CUL2: variants seen among roughly 807,000 people sequenced by gnomAD.
The protein encoded by CUL2 is cullin-2.
A neutral mutation model predicts 110.2 loss-of-function variants in CUL2; 22 were observed. The observed-to-expected ratio is 0.20, with a 90% CI of 0.14 to 0.28. CUL2 has a LOEUF of 0.28. Ranked by LOEUF, CUL2 falls within the 10% of genes least tolerant of loss-of-function variation. The pLI, the probability that CUL2 is intolerant of heterozygous loss-of-function variation, is 1.00. For synonymous variants in CUL2, 279 were observed against 293.2 expected (o/e 0.95, Z 0.49); for missense variants, 631 against 905.5 (o/e 0.70, Z 3.89).
In CUL2 at chr10:35,082,690, A is replaced by G. The variant is rs142558045; in HGVS notation, c.-23+7489T>C. 5.4e-3 allele frequency among the ~76,000 whole-genome samples: 830 copies of G among 152,324 alleles called. 5 individuals are homozygous for G. Among genetic ancestry groups the G allele is most frequent in the Non-Finnish European group, 7.7e-3 (525 of 68,032 alleles). ...TTTAAATGGATGCATTCTAATCAAA[A>G]TAATACTTGGTACTATGATGACAAA... On this transcript the variant is annotated intron_variant, in intron 1 of 20. Transcript: ENST00000374749.
At chr10:35,120,967 C>T (rs749780907) in intron 1 of CUL2, among the ~76,000 whole-genome samples, 2 of 151,210 alleles carry the variant, frequency 1.3e-5, no homozygotes, top group Non-Finnish European at 2.9e-5. Context: ...GGATATAATT[C>T]CCTTATGTTT....
At position 35,016,333 on chromosome 10, in the gene CUL2, C is replaced by A. The variant is rs1430014566; in HGVS notation, c.1746G>T (p.Met582Ile). 1.2e-6 allele frequency: 2 copies of A among 1,613,850 alleles called. No individual in the cohort carries two copies. The highest frequency in any genetic ancestry group is 2.7e-5 in the African/African-American group (2 of 75,032). ...PYVAMVTTYQ[M>I]AVLLAFNNSE... ...TGTTGTTAAAGGCAAGAAGAACTGC[C>A]ATTTGGTATGTTGTAACCATGGCTA... The change falls in exon 18 of 21, where the codon ATG becomes ATT. Residue 582 changes from methionine to isoleucine, a missense_variant. This residue lies in a region of CUL2 where 159 missense variants were observed against 202.7 expected (regional missense o/e 0.78). Coordinates refer to ENST00000374749, the MANE Select transcript of CUL2 (RefSeq NM_003591.4).
Position 35,090,219 on chromosome 10 carries a change from G to C in CUL2, c.-63C>G, listed in dbSNP as rs923095558. The C allele has an allele frequency of 6.5e-6, 1 of 154,058 alleles. No homozygotes were observed. Among genetic ancestry groups the C allele is most frequent in the Non-Finnish European group, 1.5e-5 (1 of 68,748 alleles). The allele number at this position is 154,058 out of a possible 1,614,324, so 9.5% of individuals were successfully genotyped here. ...GGCAAGGGGCAGGGGACAAGGGGAG[G>C]GGGAGGCAGCCCGAAGGAGTGAAAG... On this transcript the variant is annotated 5_prime_UTR_variant, in exon 1 of 21. Transcript: ENST00000374749.
At chr10:35,027,843 C>T (rs1189141027) in intron 16 of CUL2, among the ~76,000 whole-genome samples, 1 of 152,156 alleles carries the variant, frequency 6.6e-6, no homozygotes, top group Non-Finnish European at 1.5e-5. Context: ...CAGAAACTCA[C>T]TTCCTATTTG....
At chr10:35,075,648 A>G (rs1405101268) in intron 1 of CUL2, among the ~76,000 whole-genome samples, 2 of 138,140 alleles carry the variant, frequency 1.4e-5, no homozygotes, top group Non-Finnish European at 3.2e-5. Context: ...ACACACACAC[A>G]CACACACACA....
intron 6 of CUL2, among the ~76,000 whole-genome samples, chr10:35,045,647 G>A (rs555025567): frequency 3.3e-5 from 5 of 152,048 alleles, no homozygotes; most frequent in African/African-American, 9.6e-5. Context: ...CCCAGGAGGA[G>A]TCGAGGCTAC....
At chr10:35,066,392 C>T (rs1022225905) in intron 2 of CUL2, among the ~76,000 whole-genome samples, 2 of 152,038 alleles carry the variant, frequency 1.3e-5, no homozygotes, top group African/African-American at 2.4e-5. Context: ...CTTCACCCTC[C>T]GGGTTCAAGC....
At chr10:35,024,866 T>G (rs2085296528) in intron 17 of CUL2, among the ~76,000 whole-genome samples, 1 of 152,150 alleles carries the variant, frequency 6.6e-6, no homozygotes. Flanking sequence ...ATACATTTGC[T>G]AATGAAGTGG....
chr10:35,090,390 T>G (rs1402322001), upstream of CUL2: 2 of 143,530 alleles, frequency 1.4e-5, no homozygotes. Flanking sequence ...ACGCGGGGGG[T>G]GGGGAGCGAA....
rs572123671 is a variant in CUL2 at position 35,124,993 on chromosome 10, A to G, written c.-51+1612T>C. Among the ~76,000 whole-genome samples the G allele has an allele frequency of 5.3e-4, 81 of 152,366 alleles. 1 individual carries two copies. Among genetic ancestry groups the G allele is most frequent in the African/African-American group, 1.8e-3 (75 of 41,592 alleles). ...AGCCCCAAAAGCTAGACACTGGACT[A>G]ACGTAAACATGAGTAGGTTTTTAAG... On this transcript the variant is annotated intron_variant, in intron 1 of 5. Coordinates refer to the CUL2 transcript ENST00000685421.
intron 1 of CUL2, among the ~76,000 whole-genome samples, chr10:35,080,440 T>C (rs951218881): frequency 1.7e-4 from 20 of 120,432 alleles, no homozygotes; most frequent in Non-Finnish European, 1.5e-4. Context: ...TATTTTTATT[T>C]ATTTATTTAT....
At chr10:35,108,727 G>C (rs891795355) in intron 1 of CUL2, among the ~76,000 whole-genome samples, 2 of 152,084 alleles carry the variant, frequency 1.3e-5, no homozygotes, top group Non-Finnish European at 2.9e-5. Flanking sequence ...TATTGGCCTG[G>C]GCTACAGCCA....
intron 18 of CUL2, among the ~76,000 whole-genome samples, chr10:35,014,659 C>G (rs2084982505): frequency 1.3e-5 from 2 of 151,828 alleles, no homozygotes; most frequent in South Asian, 4.2e-4. Context: ...AAAGCAAAAC[C>G]CGGTCTCTAC....
intron 1 of CUL2, among the ~76,000 whole-genome samples, chr10:35,105,402 G>A (rs995525114): frequency 2.7e-5 from 4 of 150,890 alleles, no homozygotes; most frequent in African/African-American, 4.9e-5. Context: ...CTCCAGCCTG[G>A]GCGACAGGGA....
At chr10:35,109,588 C>T (rs1427009350) in intron 1 of CUL2, among the ~76,000 whole-genome samples, 5 of 152,228 alleles carry the variant, frequency 3.3e-5, no homozygotes, top group African/African-American at 9.6e-5. Context: ...TCTGAGGTGA[C>T]ATTTGCGTTT....
intron 6 of CUL2, among the ~76,000 whole-genome samples, chr10:35,047,736 G>C (rs1321306200): frequency 6.6e-6 from 1 of 151,510 alleles, no homozygotes; most frequent in East Asian, 1.9e-4. Context: ...GGCCAACATG[G>C]TGAAAACCGG....
At position 35,080,709 on chromosome 10, in the gene CUL2, C is replaced by T. The variant is rs531689745; in HGVS notation, c.-22-9370G>A. ...GAGCTCAAGCTTCCACCAGCCTTGG[C>T]CTCCCAAATTACTAGGATTACAGGC... On this transcript the variant is annotated intron_variant, in intron 1 of 20. Transcript: ENST00000374749. Among the ~76,000 whole-genome samples the T allele has an allele frequency of 3.9e-5, 6 of 152,194 alleles. No individual in the cohort carries two copies. The South Asian group carries it at 1.0e-3, about 26-fold the overall frequency.
intron 6 of CUL2, among the ~76,000 whole-genome samples, chr10:35,047,446 TAA>T (rs757406258): frequency 3.3e-4 from 44 of 134,304 alleles, no homozygotes; most frequent in Non-Finnish European, 2.4e-4. Context: ...CCGTCTCCAC[TAA>T]AAAAAAAAAA....
At chr10:35,082,761 TA>T (rs1283437499) in intron 1 of CUL2, among the ~76,000 whole-genome samples, 8 of 152,200 alleles carry the variant, frequency 5.3e-5, no homozygotes. Flanking sequence ...AAAAGAGAAA[TA>T]TCTTGAGATA....
Sources: gnomAD v4.1 joint callset for allele counts (sites outside exome capture counted in the v4.1 genomes callset) on GRCh38, gnomAD v4.1.1 for gene constraint, gnomAD v4.1.1 regional missense constraint, MANE v1.5 for transcripts, NCBI Gene and HGNC (gene_info 2026-07-23, HGNC 2026-07-21) for gene names.